Variants in ASAP1 observed in about 807,000 individuals in gnomAD.
ASAP1 encodes the protein ArfGAP with SH3 domain, ankyrin repeat and PH domain 1.
Under a neutral mutation model 145.2 loss-of-function variants are expected in ASAP1, and 43 were observed. The observed-to-expected ratio is 0.30, with a 90% CI of 0.23 to 0.38. The LOEUF is 0.38. ASAP1 is among the 10% of genes least tolerant of loss of function. The pLI is 1.00. For synonymous variants in ASAP1, 546 were observed against 515.5 expected, an observed-to-expected ratio of 1.06 and a Z score of -0.80; for missense variants, 1,018 against 1,355.3, an observed-to-expected ratio of 0.75 and a Z score of 3.91.
chr8:130,236,181 T>C (rs1818203885), intron 4 of ASAP1, among the ~76,000 whole-genome samples: 1 of 152,104 alleles, frequency 6.6e-6, no homozygotes, highest in African/African-American at 2.4e-5. Flanking sequence ...ACTGATTTCC[T>C]AGAGAAGTAA....
rs140599301 is a variant in ASAP1, at chr8:130,262,124, C to T, written c.187-25130G>A. Among the ~76,000 whole-genome samples the T allele has an allele frequency of 1.2e-3, 183 of 151,934 alleles. 2 individuals are homozygous for T. The highest frequency in any genetic ancestry group is 2.8e-4 in the Non-Finnish European group (19 of 67,972). On this transcript the variant is annotated intron_variant, in intron 3 of 29. Coordinates refer to ENST00000518721, the MANE Select transcript of ASAP1 (RefSeq NM_018482.4). Reference sequence around the variant, plus strand: ...TAAAAAAGGGAGTACCGGCTGGGCGCGGTGGCTCACACCTGTAATCCCAGC... The same window carrying T: ...TAAAAAAGGGAGTACCGGCTGGGCGTGGTGGCTCACACCTGTAATCCCAGC...
intron 2 of ASAP1, among the ~76,000 whole-genome samples, chr8:130,399,389 T>C (rs1302532509): frequency 6.6e-6 from 1 of 152,152 alleles, no homozygotes; most frequent in Non-Finnish European, 1.5e-5. Context: ...TTATAATTAA[T>C]ATCACCTGAA....
chr8:130,298,101 T>C (rs1022548496), intron 3 of ASAP1, among the ~76,000 whole-genome samples: 1 of 152,218 alleles, frequency 6.6e-6, no homozygotes, highest in Non-Finnish European at 1.5e-5. Context: ...CATTCTGCTC[T>C]AACATTTTTG....
intron 3 of ASAP1, among the ~76,000 whole-genome samples, chr8:130,313,927 C>T (rs1823511146): frequency 6.6e-6 from 1 of 152,220 alleles, no homozygotes; most frequent in Admixed American, 6.5e-5. Flanking sequence ...CACTTCAGCT[C>T]AGCCCTGCAG....
intron 27 of ASAP1, 111 bp from the exon 28 acceptor site, chr8:130,061,180 T>C: frequency 7.6e-7 from 1 of 1,320,702 alleles, no homozygotes; most frequent in Non-Finnish European, 1.0e-6. Context: ...TAGTGAGCAC[T>C]TGAAATGGAT....
chr8:130,353,260 CT>C (rs1273914146), intron 3 of ASAP1, among the ~76,000 whole-genome samples: 1 of 152,164 alleles, frequency 6.6e-6, no homozygotes, highest in African/African-American at 2.4e-5. Flanking sequence ...ATAGCAGGGC[CT>C]CCCCAAAAAT....
At chr8:130,415,298 A>T (rs1829428625) in intron 1 of ASAP1, among the ~76,000 whole-genome samples, 1 of 151,432 alleles carries the variant, frequency 6.6e-6, no homozygotes, top group Non-Finnish European at 1.5e-5. Context: ...GTGAGACTTC[A>T]TCTCTAAAAA....
At chr8:130,344,892 G>A (rs1177637501) in intron 3 of ASAP1, among the ~76,000 whole-genome samples, 1 of 152,132 alleles carries the variant, frequency 6.6e-6, no homozygotes, top group African/African-American at 2.4e-5. Context: ...AAAGTATCAT[G>A]AAATTATCCA....
At chr8:130,245,774 AAAACTGGAACTCAAT>A (rs1466397850) in intron 3 of ASAP1, among the ~76,000 whole-genome samples, 2 of 152,142 alleles carry the variant, frequency 1.3e-5, no homozygotes, top group African/African-American at 2.4e-5. Flanking sequence ...TGTACAGAAG[AAAACTGGAACTCAAT>A]AATGCTGCTA....
chr8:130,126,196 G>T, intron 16 of ASAP1, 107 bp from the exon 17 acceptor site: 1 of 1,066,898 alleles, frequency 9.4e-7, no homozygotes, highest in Non-Finnish European at 1.3e-6. Context: ...GAACTATGAA[G>T]AAAAGACTTA....
At chr8:130,214,419 AC>A in intron 5 of ASAP1, 136 bp downstream of exon 5, 1 of 770,500 alleles carries the variant, frequency 1.3e-6, no homozygotes, top group Non-Finnish European at 1.8e-6. Context: ...GTTACCTAGG[AC>A]TAAAAAGCTT....
intron 3 of ASAP1, among the ~76,000 whole-genome samples, chr8:130,328,273 A>T (rs1014657157): frequency 3.3e-5 from 5 of 152,200 alleles, no homozygotes; most frequent in African/African-American, 1.2e-4. Context: ...GAGTTTCAAA[A>T]CCAGGGCCAA....
chr8:130,062,846 T>C lies in ASAP1; in HGVS notation c.2702-1777A>G, dbSNP rs145061348. ...AAAATTAGCCAGGTGTGGTGGTACA[T>C]GCCTGCAGTCCTAGCTACTCGGGAG... On this transcript the variant is annotated intron_variant, in intron 27 of 29. Transcript: ENST00000518721. 2.4e-3 allele frequency among the ~76,000 whole-genome samples: 362 copies of C among 152,250 alleles called. 1 individual carries two copies. The highest frequency in any genetic ancestry group is 8.5e-3 in the African/African-American group (354 of 41,548).
At chr8:130,207,600 A>T (rs1446289057) in intron 5 of ASAP1, among the ~76,000 whole-genome samples, 3 of 152,158 alleles carry the variant, frequency 2.0e-5, no homozygotes, top group African/African-American at 7.2e-5. Flanking sequence ...AGAAACCAAG[A>T]CTCAAAGAAC....
chr8:130,350,277 C>T (rs1489037418), intron 3 of ASAP1, among the ~76,000 whole-genome samples: 1 of 152,196 alleles, frequency 6.6e-6, no homozygotes, highest in Non-Finnish European at 1.5e-5. Flanking sequence ...CCAGTCCCCA[C>T]AACCCTGTTA....
chr8:130,087,696 G>A (rs888202884), intron 25 of ASAP1, among the ~76,000 whole-genome samples: 6 of 152,140 alleles, frequency 3.9e-5, no homozygotes, highest in Admixed American at 1.3e-4. Context: ...GATTGGGACA[G>A]GAGGCCTCGA....
At chr8:130,110,273 A>C (rs1029571500) in intron 24 of ASAP1, among the ~76,000 whole-genome samples, 2 of 151,868 alleles carry the variant, frequency 1.3e-5, no homozygotes, top group African/African-American at 2.4e-5. Flanking sequence ...CATTTTCAGG[A>C]CTCTCAATGA....
At chr8:130,057,677 C>T (rs566965635) in intron 29 of ASAP1, among the ~76,000 whole-genome samples, 76 of 152,214 alleles carry the variant, frequency 5.0e-4, no homozygotes, top group African/African-American at 1.6e-3. Flanking sequence ...CTCGAACTCC[C>T]GACCTCGAGA....
intron 1 of ASAP1, among the ~76,000 whole-genome samples, chr8:130,420,235 TACACACACACACAC>T (rs34138357): frequency 4.4e-4 from 61 of 139,422 alleles, no homozygotes; most frequent in South Asian, 7.3e-4. Flanking sequence ...CATAATGAAA[TACACACACACACAC>T]ACACACACAC....
Sources: allele counts gnomAD v4.1 joint callset (sites outside exome capture counted in the v4.1 genomes callset), GRCh38; gene constraint gnomAD v4.1.1; transcripts MANE v1.5; gene names NCBI Gene and HGNC (gene_info 2026-07-23, HGNC 2026-07-21).